PCSK6: variants seen among roughly 807,000 people sequenced by gnomAD.
PCSK6 encodes paired basic amino acid cleaving enzyme 4.
In PCSK6, 85 loss-of-function variants were observed where a neutral mutation model predicts 123.3. The observed-to-expected ratio is 0.69, with a 90% CI of 0.58 to 0.83. PCSK6 has a LOEUF of 0.83. PCSK6 is among the 40% of genes least tolerant of loss of function. The pLI, the probability that PCSK6 is intolerant of heterozygous loss-of-function variation, is 0.00. For missense variants in PCSK6, 1,191 were observed against 1,282.3 expected (o/e 0.93, Z 1.09); for synonymous variants, 508 against 516.0 (o/e 0.98, Z 0.21).
chr15:101,404,544 G>A (rs34357987), intron 6 of PCSK6, among the ~76,000 whole-genome samples: 46 of 152,272 alleles, frequency 3.0e-4, no homozygotes, highest in East Asian at 5.8e-4. Flanking sequence ...GATCGTGGCC[G>A]CCGGCAAGAT....
chr15:101,472,318 G>GTC (rs774995294), intron 1 of PCSK6, among the ~76,000 whole-genome samples: 3 of 152,258 alleles, frequency 2.0e-5, no homozygotes, highest in Non-Finnish European at 4.4e-5. Context: ...TCAGGACAAA[G>GTC]TCATGGCATT....
intron 8 of PCSK6, among the ~76,000 whole-genome samples, 191 bp downstream of exon 8, chr15:101,393,021 G>A (rs4965843): frequency 0.85 from 128,836 of 152,216 alleles, 54,739 homozygotes; most frequent in African/African-American, 0.87. Context: ...GCCAGTGTCC[G>A]AGGAAGGCTG....
At chr15:101,431,550 C>A (rs1247530435) in intron 3 of PCSK6, 87 bp from the exon 4 acceptor site, 3 of 1,538,110 alleles carry the variant, frequency 2.0e-6, no homozygotes, top group Non-Finnish European at 2.7e-6. Context: ...CAGGGAGGCG[C>A]TTAGGCTTGC....
At chr15:101,393,512 A>G in intron 7 of PCSK6, 88 bp from the exon 8 acceptor site, 1 of 961,064 alleles carries the variant, frequency 1.0e-6, no homozygotes, top group Non-Finnish European at 1.5e-6. Context: ...CATCTCCCAA[A>G]TGTTCCTTCA....
intron 1 of PCSK6, among the ~76,000 whole-genome samples, chr15:101,487,666 G>A (rs1051651570): frequency 6.6e-6 from 1 of 152,198 alleles, no homozygotes; most frequent in Non-Finnish European, 1.5e-5. Flanking sequence ...TAGTTTAAGA[G>A]TCACTTTTAG....
At chr15:101,429,484 T>C (rs1265234500) in intron 5 of PCSK6, among the ~76,000 whole-genome samples, 1 of 151,986 alleles carries the variant, frequency 6.6e-6, no homozygotes, top group African/African-American at 2.4e-5. Context: ...AGACATGAAG[T>C]TTCAACCAGC....
chr15:101,478,928 C>G (rs903730446), intron 1 of PCSK6, among the ~76,000 whole-genome samples: 2 of 152,230 alleles, frequency 1.3e-5, no homozygotes, highest in African/African-American at 4.8e-5. Flanking sequence ...CATACTCACG[C>G]TTAAGGATGA....
At chr15:101,368,620 G>A (rs942265125) in intron 12 of PCSK6, among the ~76,000 whole-genome samples, 3 of 152,150 alleles carry the variant, frequency 2.0e-5, no homozygotes, top group Non-Finnish European at 4.4e-5. Flanking sequence ...GCCATCACCT[G>A]GGCCTGCACC....
rs561195333 is a variant in PCSK6 at position 101,425,911 on chromosome 15, G to A, written c.823+1981C>T. 3.9e-5 allele frequency among the ~76,000 whole-genome samples: 6 copies of A among 152,296 alleles called. No individual in the cohort carries two copies. The South Asian group carries it at 1.2e-3, about 32-fold the overall frequency. On this transcript the variant is annotated intron_variant, in intron 6 of 21. Transcript: ENST00000611716. ...TCCATGATGCAGGTGTTACCTACCT[G>A]TGAGACCCCAGGGAGTCCTCTAAAC...
At chr15:101,339,277 C>T (rs1157334350) in intron 13 of PCSK6, among the ~76,000 whole-genome samples, 3 of 152,110 alleles carry the variant, frequency 2.0e-5, no homozygotes, top group Admixed American at 6.5e-5. Context: ...CCCTATGTCC[C>T]CATACTTAAA....
chr15:101,307,170 G>A, intron 21 of PCSK6, 43 bp downstream of exon 21: 1 of 1,443,974 alleles, frequency 6.9e-7, no homozygotes, highest in East Asian at 2.3e-5. Flanking sequence ...GGCCAGCTGA[G>A]CTCCTCCACA....
rs537526892 is a variant in PCSK6 at position 101,375,099 on chromosome 15, T to A, written c.1533-4576A>T. Among the ~76,000 whole-genome samples the A allele has an allele frequency of 3.1e-3, 468 of 152,176 alleles. 3 individuals carry two copies. The highest frequency in any genetic ancestry group is 0.011 in the African/African-American group (452 of 41,504). Reference sequence around the variant, plus strand: ...TCCTGAGTAGCTGGGACTACAGGCATGCGCCACCATGCCCGGCCAATGTTT... The same window carrying A: ...TCCTGAGTAGCTGGGACTACAGGCAAGCGCCACCATGCCCGGCCAATGTTT... On this transcript the variant is annotated intron_variant, in intron 11 of 21. Coordinates refer to ENST00000611716, the MANE Select transcript of PCSK6 (RefSeq NM_002570.5).
chr15:101,356,505 CAAAAA>C lies in PCSK6; in HGVS notation c.1858+9686_1858+9690del, dbSNP rs34350017. Among the ~76,000 whole-genome samples the C allele has an allele frequency of 3.3e-3, 284 of 86,240 alleles. 3 individuals carry two copies. The highest frequency in any genetic ancestry group is 0.012 in the African/African-American group (274 of 22,626). The allele number at this position is 86,240 out of a possible 152,430, so 56.6% of individuals were successfully genotyped here. A position where few individuals can be genotyped will look rare whatever the true frequency, so the allele number is the denominator to read the frequency against. The stretch of plus-strand genomic sequence containing the variant: ...CAAAACCCTGTCTCTACTAAAACTA[CAAAAA>C]AAAAAAAAAAAAAAAAAAAATTAGC... On this transcript the variant is annotated intron_variant, in intron 13 of 21. Transcript: ENST00000611716.
intron 1 of PCSK6, among the ~76,000 whole-genome samples, chr15:101,469,882 C>T (rs1031352161): frequency 6.6e-6 from 1 of 152,224 alleles, no homozygotes; most frequent in African/African-American, 2.4e-5. Context: ...AAAAATAGTG[C>T]TTTCCTAGTC....
chr15:101,364,606 C>T (rs1251256341), intron 13 of PCSK6, among the ~76,000 whole-genome samples: 2 of 152,076 alleles, frequency 1.3e-5, no homozygotes, highest in African/African-American at 2.4e-5. Context: ...ACCAAGGAGG[C>T]GAAAGACTTA....
At chr15:101,367,425 T>C (rs1024269882) in intron 12 of PCSK6, among the ~76,000 whole-genome samples, 1 of 152,246 alleles carries the variant, frequency 6.6e-6, no homozygotes, top group Non-Finnish European at 1.5e-5. Context: ...ATTTCCAATC[T>C]GGGGGTTCTC....
chr15:101,357,580 T>C (rs1596226106), intron 13 of PCSK6, among the ~76,000 whole-genome samples: 2 of 152,218 alleles, frequency 1.3e-5, no homozygotes, highest in Admixed American at 1.3e-4. Context: ...AATAGCGTCA[T>C]AGCGTGCAGG....
intron 11 of PCSK6, 48 bp downstream of exon 11, chr15:101,382,044 C>G: frequency 7.4e-7 from 1 of 1,350,286 alleles, no homozygotes; most frequent in Non-Finnish European, 1.0e-6. Flanking sequence ...AGAGTCAGCT[C>G]CAAACCCACG....
intron 1 of PCSK6, among the ~76,000 whole-genome samples, chr15:101,474,667 C>T (rs1222849069): frequency 6.6e-6 from 1 of 152,242 alleles, no homozygotes; most frequent in Non-Finnish European, 1.5e-5. Flanking sequence ...CCACTCTCCA[C>T]CATTCTCTGC....
Sources: allele counts gnomAD v4.1 joint callset (sites outside exome capture counted in the v4.1 genomes callset), GRCh38; gene constraint gnomAD v4.1.1; transcripts MANE v1.5; gene names NCBI Gene and HGNC (gene_info 2026-07-23, HGNC 2026-07-21).